TGM5: variants seen among roughly 807,000 people sequenced by gnomAD.
TGM5 encodes the protein transglutaminase 5, also known as protein-glutamine gamma-glutamyltransferase 5.
TGM5 carries 69 observed loss-of-function variants against 77.2 expected under a neutral mutation model. That is an observed-to-expected ratio of 0.89 (90% CI 0.74 to 1.09). The LOEUF (loss-of-function observed/expected upper bound fraction) is 1.09, where lower values mean the gene tolerates loss of function less well. TGM5 is among the 50% of genes least tolerant of loss of function. TGM5 has a pLI of 0.00. For synonymous variants in TGM5, 346 were observed against 351.8 expected (o/e 0.98, Z 0.18); for missense variants, 842 against 896.5 (o/e 0.94, Z 0.78).
At chr15:43,256,973 A>G (rs2042746501) in intron 3 of TGM5, among the ~76,000 whole-genome samples, 1 of 152,236 alleles carries the variant, frequency 6.6e-6, no homozygotes, top group Admixed American at 6.5e-5. Flanking sequence ...ACAGGCTCAG[A>G]GTGATTAAGT....
At chr15:43,261,835 A>C (rs1566837809) in intron 1 of TGM5, among the ~76,000 whole-genome samples, 1 of 151,924 alleles carries the variant, frequency 6.6e-6, no homozygotes, top group East Asian at 1.9e-4. Context: ...ATCTCTCCCC[A>C]TCTCCCATCT....
chr15:43,256,483 G>A, intron 4 of TGM5, 85 bp downstream of exon 4: 2 of 1,066,824 alleles, frequency 1.9e-6, no homozygotes, highest in South Asian at 2.5e-5. Flanking sequence ...TTGGTCAGCA[G>A]TTCTAGGTGA....
Position 43,260,462 on chromosome 15 carries a change from A to T in TGM5, c.128T>A (p.Leu43Gln), listed in dbSNP as rs374809601. ...VRRGQAFNLT[L>Q]YFRNRSFQPG... ...CTGGAAGCTCCGGTTCCTGAAGTAC[A>T]GGGTGAGGTTGAAGGCCTGGCCCCG... The change falls in exon 2 of 13, where the codon CTG becomes CAG. Residue 43 changes from leucine to glutamine, a missense_variant. By Grantham distance (113) the Leu-to-Gln change is moderately radical. Around this residue, in one of 2 missense-constraint regions of TGM5, gnomAD observed 815 missense variants for 844.6 expected, o/e 0.96. Transcript: ENST00000220420. 1.2e-6 allele frequency: 2 copies of T among 1,614,066 alleles called. No individual in the cohort carries two copies. The highest frequency in any genetic ancestry group is 2.7e-5 in the African/African-American group (2 of 74,916).
At chr15:43,261,088 T>TGTTTTTTG (rs1566837509) in intron 1 of TGM5, among the ~76,000 whole-genome samples, 1 of 116,816 alleles carries the variant, frequency 8.6e-6, no homozygotes, top group African/African-American at 3.6e-5. Context: ...TTTTTTTTTT[T>TGTTTTTTG]TTTTTTTTTT....
intron 1 of TGM5, among the ~76,000 whole-genome samples, chr15:43,262,395 T>A (rs1419562550): frequency 6.6e-6 from 1 of 152,228 alleles, no homozygotes; most frequent in Non-Finnish European, 1.5e-5. Context: ...CCTAGCTGCT[T>A]TTTCTTGGTT....
intron 3 of TGM5, among the ~76,000 whole-genome samples, chr15:43,258,898 A>G (rs1380462845): frequency 2.0e-5 from 3 of 152,298 alleles, no homozygotes; most frequent in Admixed American, 2.0e-4. Flanking sequence ...CAGGGAAAAC[A>G]GTCGACTGGC....
At chr15:43,256,059 A>G (rs2042740098) in intron 4 of TGM5, among the ~76,000 whole-genome samples, 1 of 152,256 alleles carries the variant, frequency 6.6e-6, no homozygotes, top group African/African-American at 2.4e-5. Context: ...ACACAGAAAT[A>G]AAGAGACAGT....
Position 43,235,732 on chromosome 15 carries a change from G to A in TGM5, c.1451C>T (p.Thr484Ile), listed in dbSNP as rs1006115094. ...CCGAGGGCTGTCCTGGCTCAGTGAT[G>A]TGGGCCTGGAAGGTTGCAACTCTGC... ...RGAELQPSRP[T>I]SLSQDSPRSL... The change falls in exon 10 of 13, where the codon ACA becomes ATA. Residue 484 changes from threonine to isoleucine, a missense_variant. This residue lies in a region of TGM5 where 815 missense variants were observed against 844.6 expected (regional missense o/e 0.96). Transcript: ENST00000220420. 1 of 1,614,216 alleles carries A rather than the reference G, an allele frequency of 6.2e-7. No individual in the cohort carries two copies. Among genetic ancestry groups the A allele is most frequent in the Non-Finnish European group, 8.5e-7 (1 of 1,180,046 alleles).
rs1171822204 is a variant in TGM5 at position 43,233,065 on chromosome 15, C to T, written c.*126G>A. The T allele has an allele frequency of 8.6e-7, 1 of 1,161,880 alleles. No homozygotes were observed. The highest frequency in any genetic ancestry group is 2.5e-5 in the East Asian group (1 of 39,506). The allele number at this position is 1,161,880 out of a possible 1,614,324, so 72.0% of individuals were successfully genotyped here. A position where few individuals can be genotyped will look rare whatever the true frequency, so the allele number is the denominator to read the frequency against. On this transcript the variant is annotated 3_prime_UTR_variant, in exon 13 of 13. Transcript: ENST00000220420. ...AGAGACAGAAAATGAACACGTCATCCCCTCTGTGGCTCTTGCTGGAGCCCT... is the reference window on the plus strand; with the variant it reads ...AGAGACAGAAAATGAACACGTCATCTCCTCTGTGGCTCTTGCTGGAGCCCT...
In TGM5 at chr15:43,233,135, A is replaced by G. The variant is rs533062951; in HGVS notation, c.*56T>C. 5.9e-5 allele frequency: 95 copies of G among 1,608,898 alleles called. No individual in the cohort carries two copies. The African/African-American group carries it at 1.2e-3, about 20-fold the overall frequency. The stretch of plus-strand genomic sequence containing the variant: ...GGGGAATGGCGCAGCTTGCATTTGA[A>G]CTTGCTCCTTTTCCTGAAGCTTGAA... On this transcript the variant is annotated 3_prime_UTR_variant, in exon 13 of 13. Coordinates refer to ENST00000220420, the MANE Select transcript of TGM5 (RefSeq NM_201631.4).
chr15:43,250,310 G>GAGAA (rs2042695590), intron 6 of TGM5, among the ~76,000 whole-genome samples: 1 of 152,222 alleles, frequency 6.6e-6, no homozygotes, highest in South Asian at 2.1e-4. Context: ...CCAGTATGAA[G>GAGAA]TCACTCAATC....
In TGM5 at chr15:43,252,838, G is replaced by T. The variant is rs2042714896; in HGVS notation, c.783C>A (p.Ile261=). 6.2e-7 allele frequency: 1 copy of T among 1,613,886 alleles called. No individual in the cohort carries two copies. Among genetic ancestry groups the T allele is most frequent in the Non-Finnish European group, 8.5e-7 (1 of 1,180,034 alleles). Residue 261 remains isoleucine, a synonymous_variant, in exon 6 of 13, where the codon ATC becomes ATA. Transcript: ENST00000220420. ...NPAEWTGSVA[I]LKQWNATGCQ... is the part of the protein sequence containing the mutation. Reference sequence around the variant, plus strand: ...AGCCTGTGGCGTTCCACTGCTTCAGGATGGCCACGCTGCCCGTCCACTCCG... The same window carrying T: ...AGCCTGTGGCGTTCCACTGCTTCAGTATGGCCACGCTGCCCGTCCACTCCG...
Position 43,261,060 on chromosome 15 carries a change from C to CTT in TGM5, c.11-483_11-482dup, listed in dbSNP as rs199676346. Among the ~76,000 whole-genome samples the CTT allele has an allele frequency of 7.9e-4, 72 of 90,580 alleles. 4 individuals carry two copies. The highest frequency in any genetic ancestry group is 2.7e-3 in the African/African-American group (43 of 15,800). 59.4% of individuals were successfully genotyped at this position (90,580 alleles called of 152,430 possible). A position where few individuals can be genotyped will look rare whatever the true frequency, so the allele number is the denominator to read the frequency against. On this transcript the variant is annotated intron_variant, in intron 1 of 12. Transcript: ENST00000220420. ...TAACTCCTTGGGCTAGCTGCTCTTC[C>CTT]TTTTTTTGTGTGTGTGTTTTTTTTT...
intron 3 of TGM5, among the ~76,000 whole-genome samples, chr15:43,257,420 T>C (rs916382979): frequency 1.1e-4 from 16 of 152,348 alleles, no homozygotes; most frequent in Admixed American, 2.0e-4. Context: ...TATACACATA[T>C]ACGTGCTGCC....
chr15:43,264,832 C>A (rs1489393949), intron 1 of TGM5, among the ~76,000 whole-genome samples: 1 of 152,144 alleles, frequency 6.6e-6, no homozygotes, highest in Non-Finnish European at 1.5e-5. Flanking sequence ...TGCCAAAATA[C>A]CCTAATAAGT....
At chr15:43,247,130 C>T (rs984377053) in intron 6 of TGM5, among the ~76,000 whole-genome samples, 22 of 148,306 alleles carry the variant, frequency 1.5e-4, no homozygotes, top group African/African-American at 3.0e-4. Context: ...TGCACTATAG[C>T]CTGGGCGACA....
chr15:43,260,622 G>A (rs1330938447), intron 1 of TGM5, 43 bp from the exon 2 acceptor site: 1 of 1,609,636 alleles, frequency 6.2e-7, no homozygotes, highest in African/African-American at 1.3e-5. Flanking sequence ...GTGGGGTTGT[G>A]GAGCCAATCC....
chr15:43,247,156 C>T (rs1293371399), intron 6 of TGM5, among the ~76,000 whole-genome samples: 1 of 120,398 alleles, frequency 8.3e-6, no homozygotes, highest in Non-Finnish European at 1.6e-5. Context: ...GAGACTCTGT[C>T]TCAAAAAAAA....
intron 11 of TGM5, 136 bp downstream of exon 11, chr15:43,234,633 T>A: frequency 8.9e-7 from 1 of 1,118,634 alleles, no homozygotes; most frequent in Non-Finnish European, 1.3e-6. Flanking sequence ...AACTTCTCCC[T>A]CCTGGAGCAC....
Sources: allele counts gnomAD v4.1 joint callset (sites outside exome capture counted in the v4.1 genomes callset), GRCh38; gene constraint gnomAD v4.1.1; regional missense constraint gnomAD v4.1.1; transcripts MANE v1.5; gene names NCBI Gene and HGNC (gene_info 2026-07-23, HGNC 2026-07-21).